The following NAALADL2 variants were observed in gnomAD, a reference collection of about 807,000 sequenced individuals.
The protein encoded by NAALADL2 is inactive N-acetylated-alpha-linked acidic dipeptidase-like protein 2.
A neutral mutation model predicts 87.2 loss-of-function variants in NAALADL2; 76 were observed. The observed-to-expected ratio is 0.87, with a 90% CI of 0.72 to 1.05. NAALADL2 has a LOEUF of 1.05. Among genes scored for constraint, NAALADL2 ranks in the 50% least tolerant of loss-of-function variants. The pLI is 0.00. For synonymous variants in NAALADL2, 354 were observed against 331.0 expected (o/e 1.07, Z -0.75); for missense variants, 1,089 against 945.8 (o/e 1.15, Z -1.99).
At chr3:175,457,753 C>G (rs534611065) in intron 6 of NAALADL2, among the ~76,000 whole-genome samples, 46 of 146,676 alleles carry the variant, frequency 3.1e-4, no homozygotes, top group Middle Eastern at 7.7e-3. Flanking sequence ...AAACTCTTGG[C>G]CTCAAGGGAT....
At chr3:175,685,991 C>G (rs780731614) in intron 11 of NAALADL2, among the ~76,000 whole-genome samples, 13 of 152,204 alleles carry the variant, frequency 8.5e-5, no homozygotes, top group Non-Finnish European at 1.6e-4. Context: ...AGCAAACTAA[C>G]CATCACAATG....
intron 1 of NAALADL2, chr3:175,081,005 C>G (rs987661779): frequency 6.6e-6 from 1 of 152,178 alleles, no homozygotes; most frequent in African/African-American, 2.4e-5. Flanking sequence ...TTTCATATCC[C>G]TCTATCCCTC....
At chr3:175,800,740 G>A (rs777538272) in intron 13 of NAALADL2, among the ~76,000 whole-genome samples, 26 of 152,064 alleles carry the variant, frequency 1.7e-4, no homozygotes, top group South Asian at 2.1e-4. Flanking sequence ...ATTTAACTAA[G>A]TTAAATCACC....
chr3:174,489,729 A>T (rs1718066448), intron 1 of NAALADL2, among the ~76,000 whole-genome samples: 1 of 152,142 alleles, frequency 6.6e-6, no homozygotes, highest in South Asian at 2.1e-4. Context: ...AAGGTGCTTA[A>T]CATCATTACA....
intron 9 of NAALADL2, among the ~76,000 whole-genome samples, chr3:175,562,071 C>T (rs1228045108): frequency 6.6e-6 from 1 of 152,148 alleles, no homozygotes; most frequent in Non-Finnish European, 1.5e-5. Context: ...TGATCTGACT[C>T]TGTATTTCAC....
At chr3:174,614,610 C>T (rs2108649794) in intron 2 of NAALADL2, among the ~76,000 whole-genome samples, 2 of 152,284 alleles carry the variant, frequency 1.3e-5, no homozygotes, top group South Asian at 4.1e-4. Context: ...ACTGTTTGTC[C>T]TACCTCCTAA....
chr3:175,564,511 A>T (rs112298699), intron 9 of NAALADL2, among the ~76,000 whole-genome samples: 1,703 of 152,266 alleles, frequency 0.011, 16 homozygotes, highest in South Asian at 0.022. Context: ...ACATGCTGAC[A>T]CCATATTATT....
chr3:175,105,534 A>G lies in NAALADL2; in HGVS notation c.545+8243A>G, dbSNP rs148143637. 4.5e-4 allele frequency among the ~76,000 whole-genome samples: 64 copies of G among 142,846 alleles called. No homozygotes were observed. The East Asian group carries it at 0.013, about 28-fold the overall frequency. The allele number at this position is 142,846 out of a possible 152,430, so 93.7% of individuals were successfully genotyped here. On this transcript the variant is annotated intron_variant, in intron 2 of 13. Coordinates refer to ENST00000454872, the MANE Select transcript of NAALADL2 (RefSeq NM_207015.3). Reference sequence around the variant, plus strand: ...ATATAAATTCATATTTTATACATTCATATATTTATATATAGATTTATATAT... The same window carrying G: ...ATATAAATTCATATTTTATACATTCGTATATTTATATATAGATTTATATAT...
At chr3:175,731,709 G>C (rs1277690545) in intron 11 of NAALADL2, among the ~76,000 whole-genome samples, 1 of 152,128 alleles carries the variant, frequency 6.6e-6, no homozygotes, top group Non-Finnish European at 1.5e-5. Context: ...AGGTGTTTCT[G>C]AAGTCTCAAT....
chr3:175,359,050 AT>A (rs1409793435), intron 5 of NAALADL2, among the ~76,000 whole-genome samples: 1 of 152,202 alleles, frequency 6.6e-6, no homozygotes, highest in South Asian at 2.1e-4. Context: ...GTAACCAATT[AT>A]TTTTTTAACA....
chr3:174,706,343 TA>T (rs1483482672), intron 2 of NAALADL2, among the ~76,000 whole-genome samples: 1 of 152,160 alleles, frequency 6.6e-6, no homozygotes, highest in Non-Finnish European at 1.5e-5. Flanking sequence ...GGTAGAACCA[TA>T]AAACATTTGA....
At chr3:174,851,321 T>G (rs531198171) in intron 3 of NAALADL2, among the ~76,000 whole-genome samples, 1 of 147,776 alleles carries the variant, frequency 6.8e-6, no homozygotes, top group African/African-American at 2.5e-5. Flanking sequence ...AGAAGGTTTT[T>G]GGGGGAAAGA....
chr3:175,256,857 TG>T (rs2109837054), intron 4 of NAALADL2: 2 of 166,272 alleles, frequency 1.2e-5, no homozygotes, highest in African/African-American at 4.8e-5. Flanking sequence ...TAGTAAAAAA[TG>T]AGAACCACCC....
chr3:175,232,335 T>C (rs1201222063), intron 2 of NAALADL2, among the ~76,000 whole-genome samples: 1 of 152,124 alleles, frequency 6.6e-6, no homozygotes, highest in Admixed American at 6.5e-5. Context: ...AGAAACTGTT[T>C]TTATTGCATC....
intron 2 of NAALADL2, among the ~76,000 whole-genome samples, chr3:174,718,564 C>T (rs1731420650): frequency 6.6e-6 from 1 of 152,072 alleles, no homozygotes; most frequent in Non-Finnish European, 1.5e-5. Context: ...AAGAAAATAA[C>T]CTTTTATTAT....
At chr3:174,767,249 CAG>C (rs1368031244) in intron 3 of NAALADL2, among the ~76,000 whole-genome samples, 4 of 151,344 alleles carry the variant, frequency 2.6e-5, no homozygotes, top group African/African-American at 9.7e-5. Context: ...TAAATGATAT[CAG>C]AGCAGATTAG....
rs59687897 is a variant in NAALADL2 at position 175,338,594 on chromosome 3, CAAAAA to C, written c.1090+14285_1090+14289del. On this transcript the variant is annotated intron_variant, in intron 5 of 13. Transcript: ENST00000454872. ...CAGAGAATTATAAAAATACAAAAAC[CAAAAA>C]AAAAAAAAAAAAAAACACCACAAAC... Among the ~76,000 whole-genome samples the C allele has an allele frequency of 2.0e-3, 86 of 41,978 alleles. 1 individual carries two copies. The highest frequency in any genetic ancestry group is 6.6e-3 in the African/African-American group (82 of 12,434). 27.5% of individuals were successfully genotyped at this position (41,978 alleles called of 152,430 possible). A position where few individuals can be genotyped will look rare whatever the true frequency, so the allele number is the denominator to read the frequency against.
intron 1 of NAALADL2, among the ~76,000 whole-genome samples, chr3:174,444,976 G>A (rs986502720): frequency 6.6e-6 from 1 of 151,698 alleles, no homozygotes; most frequent in Admixed American, 6.6e-5. Context: ...AAGATGGAGA[G>A]AATTGATAGA....
chr3:175,214,093 T>G (rs1035077049), intron 2 of NAALADL2, among the ~76,000 whole-genome samples: 2 of 152,200 alleles, frequency 1.3e-5, no homozygotes, highest in Non-Finnish European at 2.9e-5. Context: ...GCCCATTTTA[T>G]GTGAATGACT....
Sources: gnomAD v4.1 joint callset for allele counts (sites outside exome capture counted in the v4.1 genomes callset) on GRCh38, gnomAD v4.1.1 for gene constraint, MANE v1.5 for transcripts, NCBI Gene and HGNC (gene_info 2026-07-23, HGNC 2026-07-21) for gene names.